The following SEMA5A variants were observed in gnomAD, a reference collection of about 807,000 sequenced individuals.
The protein encoded by SEMA5A is semaphorin 5A, also known as semaphorin-5A.
In SEMA5A, 55 loss-of-function variants were observed where a neutral mutation model predicts 135.5. The ratio of observed to expected loss-of-function variants is 0.41; its 90% CI spans 0.33 to 0.51. SEMA5A has a LOEUF of 0.51. Ranked by LOEUF, SEMA5A falls within the 20% of genes least tolerant of loss-of-function variation. The pLI is 0.37. For missense variants in SEMA5A, 1,290 were observed against 1,419.9 expected (o/e 0.91, Z 1.47); for synonymous variants, 580 against 546.5 (o/e 1.06, Z -0.85).
At chr5:9,130,146 A>G (rs976031434) in intron 13 of SEMA5A, among the ~76,000 whole-genome samples, 2 of 152,294 alleles carry the variant, frequency 1.3e-5, no homozygotes, top group African/African-American at 4.8e-5. Flanking sequence ...TGATTTGTTC[A>G]TGTCCATTTC....
chr5:9,501,447 C>T (rs1735595096), intron 1 of SEMA5A, among the ~76,000 whole-genome samples: 1 of 152,174 alleles, frequency 6.6e-6, no homozygotes, highest in Admixed American at 6.5e-5. Context: ...AAAACATACA[C>T]ACACATCCTT....
intron 2 of SEMA5A, among the ~76,000 whole-genome samples, chr5:9,412,338 T>G (rs747122403): frequency 1.4e-4 from 21 of 151,976 alleles, no homozygotes; most frequent in Non-Finnish European, 2.6e-4. Flanking sequence ...GTCTACCACT[T>G]ATTAGATTAT....
At chr5:9,116,744 T>A (rs1297505590) in intron 15 of SEMA5A, among the ~76,000 whole-genome samples, 13 of 152,222 alleles carry the variant, frequency 8.5e-5, no homozygotes, top group Non-Finnish European at 1.3e-4. Context: ...TAGTTCTTAG[T>A]CTTTTGTATT....
chr5:9,317,338 G>C (rs1025565429), intron 5 of SEMA5A, among the ~76,000 whole-genome samples: 1 of 151,692 alleles, frequency 6.6e-6, no homozygotes, highest in Non-Finnish European at 1.5e-5. Context: ...CTTATTTTTC[G>C]CCATGCTAGT....
At position 9,041,094 on chromosome 5, in the gene SEMA5A, T is replaced by C. The variant is rs1338844341; in HGVS notation, c.*1803A>G. On this transcript the variant is annotated 3_prime_UTR_variant, in exon 23 of 23. Coordinates refer to ENST00000382496, the MANE Select transcript of SEMA5A (RefSeq NM_003966.3). ...CCACTGCAAAGACCCTGAATGTCAT[T>C]AATCCAAAATAACTTACAGAGCCCA... 4 of 152,212 alleles carry C rather than the reference T, an allele frequency of 2.6e-5. No individual in the cohort carries two copies. The highest frequency in any genetic ancestry group is 5.9e-5 in the Non-Finnish European group (4 of 68,050). The allele number at this position is 152,212 out of a possible 1,614,324, so 9.4% of individuals were successfully genotyped here.
intron 3 of SEMA5A, among the ~76,000 whole-genome samples, chr5:9,366,604 G>A (rs962805788): frequency 1.3e-5 from 2 of 152,072 alleles, no homozygotes; most frequent in Admixed American, 6.5e-5. Context: ...TAGCTAGGAC[G>A]GTCTCCATCT....
chr5:9,224,958 C>G, intron 7 of SEMA5A, 71 bp from the exon 8 acceptor site: 1 of 1,394,608 alleles, frequency 7.2e-7, no homozygotes, highest in Non-Finnish European at 9.9e-7. Flanking sequence ...ATGGTCACAC[C>G]CACCATCATC....
Position 9,190,296 on chromosome 5 carries a change from G to C in SEMA5A, c.1244C>G (p.Ala415Gly). The change falls in exon 11 of 23, where the codon GCG becomes GGG. Residue 415 changes from alanine to glycine, a missense_variant. By Grantham distance (60) the Ala-to-Gly change is moderately conservative. Transcript: ENST00000382496. The part of the protein sequence containing the change: ...VAVDVVQGRE[A>G]LVHIIYLATD... ...GGCCAAATAGATGATGTGGACGAGC[G>C]CTTCTCTGCCCTGCACCACGTCGAC... 1 of 1,614,076 alleles carries C rather than the reference G, an allele frequency of 6.2e-7. No individual in the cohort carries two copies. The highest frequency in any genetic ancestry group is 8.5e-7 in the Non-Finnish European group (1 of 1,180,006).
intron 2 of SEMA5A, among the ~76,000 whole-genome samples, chr5:9,427,567 G>A (rs1307980205): frequency 2.0e-5 from 3 of 152,126 alleles, no homozygotes; most frequent in Admixed American, 2.0e-4. Flanking sequence ...TTCTTGGTTG[G>A]TGCATCCCTG....
chr5:9,133,528 A>G (rs377234740), intron 13 of SEMA5A, among the ~76,000 whole-genome samples: 27 of 152,336 alleles, frequency 1.8e-4, no homozygotes, highest in African/African-American at 6.3e-4. Flanking sequence ...CATCAGAAGA[A>G]GCAGACCTTG....
chr5:9,305,467 A>C (rs2150625341), intron 5 of SEMA5A, among the ~76,000 whole-genome samples: 1 of 152,140 alleles, frequency 6.6e-6, no homozygotes, highest in Non-Finnish European at 1.5e-5. Flanking sequence ...AACTGCAAGA[A>C]CATTAGAGCT....
intron 1 of SEMA5A, chr5:9,498,906 A>G (rs1735438285): frequency 6.6e-6 from 1 of 152,234 alleles, no homozygotes; most frequent in Non-Finnish European, 1.5e-5. Flanking sequence ...TGTTCTGTGT[A>G]TATGATTAAC....
chr5:9,100,009 TC>T (rs1739537592), intron 16 of SEMA5A, among the ~76,000 whole-genome samples: 1 of 152,210 alleles, frequency 6.6e-6, no homozygotes, highest in Admixed American at 6.5e-5. Flanking sequence ...CTTTCATGTG[TC>T]CCAGGCAAGA....
chr5:9,513,901 T>C (rs1002377516), intron 1 of SEMA5A, among the ~76,000 whole-genome samples: 3 of 152,186 alleles, frequency 2.0e-5, no homozygotes, highest in Non-Finnish European at 4.4e-5. Context: ...ATGTAACAAA[T>C]GACCACTGTA....
At chr5:9,274,364 C>T (rs959039122) in intron 5 of SEMA5A, among the ~76,000 whole-genome samples, 4 of 152,062 alleles carry the variant, frequency 2.6e-5, no homozygotes, top group African/African-American at 9.7e-5. Context: ...TACAAAGAGA[C>T]TTAGACTCCT....
intron 1 of SEMA5A, among the ~76,000 whole-genome samples, chr5:9,539,433 A>T (rs1238354236): frequency 2.0e-5 from 3 of 152,344 alleles, no homozygotes; most frequent in African/African-American, 7.2e-5. Flanking sequence ...TATAAGAAAA[A>T]GCCTGCCATA....
In SEMA5A at chr5:9,154,529, G is replaced by C. The variant is rs1453740942; in HGVS notation, c.1440C>G (p.Val480=). The C allele has an allele frequency of 1.9e-6, 3 of 1,612,458 alleles. No individual in the cohort carries two copies. Among genetic ancestry groups the C allele is most frequent in the Non-Finnish European group, 1.7e-6 (2 of 1,179,994 alleles). Residue 480 remains valine, a synonymous_variant, in exon 12 of 23, where the codon GTC becomes GTG. Transcript: ENST00000382496. ...ACTGGCACCTCTTCAGGGGGATCTTGACCACGTGCTCCCGCAGGCCCACGA... is the reference window on the plus strand; with the variant it reads ...ACTGGCACCTCTTCAGGGGGATCTTCACCACGTGCTCCCGCAGGCCCACGA... ...VLFVGLREHV[V]KIPLKRCQFY...
intron 2 of SEMA5A, among the ~76,000 whole-genome samples, chr5:9,400,501 A>ATT (rs1215358817): frequency 0.19 from 16,379 of 86,044 alleles, 3,182 homozygotes; most frequent in Non-Finnish European, 0.25. Context: ...CACAATGTAC[A>ATT]TTTTTTTTTT....
At chr5:9,503,090 C>A (rs754483828) in intron 1 of SEMA5A, among the ~76,000 whole-genome samples, 1 of 151,774 alleles carries the variant, frequency 6.6e-6, no homozygotes, top group East Asian at 2.0e-4. Flanking sequence ...GGAAACAGAG[C>A]CTCTGGCTTC....
Sources: gnomAD v4.1 joint callset for allele counts (sites outside exome capture counted in the v4.1 genomes callset) on GRCh38, gnomAD v4.1.1 for gene constraint, MANE v1.5 for transcripts, NCBI Gene and HGNC (gene_info 2026-07-23, HGNC 2026-07-21) for gene names.